CACNA2D2: variants seen among roughly 807,000 people sequenced by gnomAD.
CACNA2D2 encodes the protein voltage-dependent calcium channel subunit alpha-2/delta-2.
A neutral mutation model predicts 166.4 loss-of-function variants in CACNA2D2; 48 were observed. That is an observed-to-expected ratio of 0.29 (90% confidence interval 0.23 to 0.37). The LOEUF (loss-of-function observed/expected upper bound fraction) is 0.37. Ranked by LOEUF, CACNA2D2 falls within the 10% of genes least tolerant of loss-of-function variation. CACNA2D2 has a pLI of 1.00. For synonymous variants in CACNA2D2, 561 were observed against 573.7 expected, an observed-to-expected ratio of 0.98 and a Z score of 0.32; for missense variants, 1,122 against 1,433.0, an observed-to-expected ratio of 0.78 and a Z score of 3.50.
At chr3:50,460,678 C>A (rs976857180) in intron 2 of CACNA2D2, among the ~76,000 whole-genome samples, 1 of 151,974 alleles carries the variant, frequency 6.6e-6, no homozygotes, top group Non-Finnish European at 1.5e-5. Flanking sequence ...CATGGTGAAA[C>A]CCCGTCTCTA....
At chr3:50,378,727 AAG>A in intron 13 of CACNA2D2, among the ~76,000 whole-genome samples, 186 bp downstream of exon 13, 2 of 152,200 alleles carry the variant, frequency 1.3e-5, no homozygotes, top group Non-Finnish European at 2.9e-5. Flanking sequence ...GACGGGCAAA[AAG>A]AGGCTCAGTT....
chr3:50,393,804 C>T (rs1706005743), intron 4 of CACNA2D2, among the ~76,000 whole-genome samples: 2 of 152,202 alleles, frequency 1.3e-5, no homozygotes, highest in African/African-American at 4.8e-5. Context: ...GCCTCTGACC[C>T]GGGGGCTCTC....
intron 15 of CACNA2D2, 47 bp from the exon 16 acceptor site, chr3:50,377,850 C>A: frequency 6.4e-7 from 1 of 1,557,164 alleles, no homozygotes; most frequent in Non-Finnish European, 8.8e-7. Flanking sequence ...CAGCACTGAC[C>A]CCACCCTGAG....
chr3:50,472,009 G>A (rs1281070075), intron 2 of CACNA2D2, among the ~76,000 whole-genome samples: 1 of 152,216 alleles, frequency 6.6e-6, no homozygotes, highest in Non-Finnish European at 1.5e-5. Context: ...AGAAGTGGGA[G>A]GGGAACAAAA....
intron 22 of CACNA2D2, among the ~76,000 whole-genome samples, chr3:50,373,754 G>A (rs1356329225): frequency 7.3e-6 from 1 of 136,404 alleles, no homozygotes; most frequent in African/African-American, 2.8e-5. Flanking sequence ...AGAGAGGACA[G>A]TGCGTAAGGG....
chr3:50,488,046 T>C (rs1698363624), intron 1 of CACNA2D2, among the ~76,000 whole-genome samples: 1 of 152,092 alleles, frequency 6.6e-6, no homozygotes, highest in African/African-American at 2.4e-5. Flanking sequence ...ATGCATGGGA[T>C]GCATGGGATG....
At chr3:50,489,049 A>C (rs1234832640) in intron 1 of CACNA2D2, among the ~76,000 whole-genome samples, 1 of 152,184 alleles carries the variant, frequency 6.6e-6, no homozygotes, top group Non-Finnish European at 1.5e-5. Context: ...TCATCTCCTG[A>C]GAACAGCACC....
chr3:50,396,233 C>G (rs1001921064), intron 3 of CACNA2D2, among the ~76,000 whole-genome samples: 1 of 152,120 alleles, frequency 6.6e-6, no homozygotes, highest in Non-Finnish European at 1.5e-5. Context: ...CCTCTGCCTC[C>G]TCCATTCCAC....
intron 2 of CACNA2D2, among the ~76,000 whole-genome samples, chr3:50,466,688 T>C (rs1709841360): frequency 6.6e-6 from 1 of 152,216 alleles, no homozygotes; most frequent in African/African-American, 2.4e-5. Flanking sequence ...GAACTGTGTC[T>C]ACAGTGGATC....
At chr3:50,383,507 C>A (rs1705436565) in intron 6 of CACNA2D2, among the ~76,000 whole-genome samples, 1 of 152,176 alleles carries the variant, frequency 6.6e-6, no homozygotes, top group Admixed American at 6.5e-5. Flanking sequence ...TCCTCCTTTA[C>A]CTCCCAGGAG....
rs189665431 is a variant in CACNA2D2, at chr3:50,362,712, G to C, written c.*1954C>G. On this transcript the variant is annotated 3_prime_UTR_variant, in exon 38 of 38. Transcript: ENST00000424201. ...TACCATGGTCTTCACCCCCTGCAGA[G>C]CACTAAGTGGGACTCTGAGGTCTTG... 6.4e-6 allele frequency: 1 copy of C among 157,048 alleles called. No individual in the cohort carries two copies. Among genetic ancestry groups the C allele is most frequent in the Non-Finnish European group, 1.4e-5 (1 of 71,318 alleles). 9.7% of individuals were successfully genotyped at this position (157,048 alleles called of 1,614,324 possible).
intron 23 of CACNA2D2, among the ~76,000 whole-genome samples, chr3:50,368,968 A>G (rs1309355725): frequency 6.6e-6 from 1 of 152,158 alleles, no homozygotes; most frequent in Non-Finnish European, 1.5e-5. Context: ...TACCTCTGCC[A>G]CCAGGGACCG....
chr3:50,365,942 T>G lies in CACNA2D2; in HGVS notation c.2862+69A>C. 1 of 1,611,046 alleles carries G rather than the reference T, an allele frequency of 6.2e-7. No individual in the cohort carries two copies. Among genetic ancestry groups the G allele is most frequent in the Non-Finnish European group, 8.5e-7 (1 of 1,178,702 alleles). The stretch of plus-strand genomic sequence containing the variant: ...CCCCAGCTTTATCAAATGTCAGAGG[T>G]AGGGGGTCATCTGTGGGCAGGTCTC... On this transcript the variant is annotated intron_variant, in intron 32 of 37. Coordinates refer to ENST00000424201, the MANE Select transcript of CACNA2D2 (RefSeq NM_006030.4). This position sits in a 1 kb window ranked among gnomAD's most constrained non-coding sequence, Gnocchi z 4.5.
chr3:50,483,468 C>T (rs1262865042), intron 1 of CACNA2D2, among the ~76,000 whole-genome samples: 1 of 152,168 alleles, frequency 6.6e-6, no homozygotes, highest in Non-Finnish European at 1.5e-5. Context: ...CTTTCTTTGC[C>T]GAGAAGAGCT....
chr3:50,501,696 G>A (rs1468467041), intron 1 of CACNA2D2, among the ~76,000 whole-genome samples: 1 of 152,148 alleles, frequency 6.6e-6, no homozygotes, highest in Non-Finnish European at 1.5e-5. Context: ...CTATGAAACG[G>A]CTAAGAAAAA....
At chr3:50,389,541 AG>A (rs1246028224) in intron 4 of CACNA2D2, among the ~76,000 whole-genome samples, 2 of 152,268 alleles carry the variant, frequency 1.3e-5, no homozygotes, top group Admixed American at 6.5e-5. Flanking sequence ...GGTCACTTGC[AG>A]CCCTCAGGAG....
intron 2 of CACNA2D2, among the ~76,000 whole-genome samples, chr3:50,472,706 C>T (rs942840642): frequency 6.6e-6 from 1 of 152,168 alleles, no homozygotes; most frequent in Admixed American, 6.5e-5. Flanking sequence ...CCTGGCTGTA[C>T]CCATCAGAGT....
At chr3:50,435,235 G>A (rs988795052) in intron 2 of CACNA2D2, among the ~76,000 whole-genome samples, 3 of 151,984 alleles carry the variant, frequency 2.0e-5, no homozygotes, top group Non-Finnish European at 4.4e-5. Flanking sequence ...CCCCCCAGGG[G>A]CTTGTGAGTC....
At chr3:50,461,787 A>G (rs1252929556) in intron 2 of CACNA2D2, among the ~76,000 whole-genome samples, 1 of 151,544 alleles carries the variant, frequency 6.6e-6, no homozygotes, top group African/African-American at 2.4e-5. Context: ...AAAGGAAGGA[A>G]GGAAGGAAAG....
Sources: allele counts gnomAD v4.1 joint callset (sites outside exome capture counted in the v4.1 genomes callset), GRCh38; gene constraint gnomAD v4.1.1; non-coding constraint Gnocchi (gnomAD v3.1); transcripts MANE v1.5; gene names NCBI Gene and HGNC (gene_info 2026-07-23, HGNC 2026-07-21).